The following ADGRE3 variants were observed in gnomAD, a reference collection of about 807,000 sequenced individuals.
ADGRE3 encodes EGF-like module receptor 3.
In ADGRE3, 88 loss-of-function variants were observed where a neutral mutation model predicts 80.1. The ratio of observed to expected loss-of-function variants is 1.10; its 90% CI spans 0.93 to 1.31. The LOEUF (loss-of-function observed/expected upper bound fraction) is 1.31, where lower values mean the gene tolerates loss of function less well. Among genes scored for constraint, ADGRE3 ranks in the 40% most tolerant of loss-of-function variants. The pLI is 0.00. For missense variants in ADGRE3, 715 were observed against 776.5 expected (o/e 0.92, Z 0.94); for synonymous variants, 281 against 294.8 (o/e 0.95, Z 0.48).
At chr19:14,610,019 A>T in the ADGRE3 span, 4 of 1,428,496 alleles carry the variant, frequency 2.8e-6, no homozygotes, top group Non-Finnish European at 3.9e-6. Flanking sequence ...GAGTTTCACC[A>T]CCCTAAAGAT....
intron 4 of ADGRE3, among the ~76,000 whole-genome samples, chr19:14,661,365 T>C (rs1360399802): frequency 1.3e-5 from 2 of 152,186 alleles, no homozygotes; most frequent in Admixed American, 1.3e-4. Flanking sequence ...CCTGGGGGTG[T>C]TGAGTTCCCA....
rs779308971 is a variant in ADGRE3 at position 14,638,085 on chromosome 19, A to G, written c.1484+20T>C. 6.3e-7 allele frequency: 1 copy of G among 1,574,806 alleles called. No homozygotes were observed. The highest frequency in any genetic ancestry group is 1.1e-5 in the South Asian group (1 of 90,220). ...TTTCTTAGGAAACTGTCCATGACAC[A>G]AGGTGGGATTCAAGCTCACCGATCA... On this transcript the variant is annotated intron_variant, in intron 11 of 15. Coordinates refer to ENST00000253673, the MANE Select transcript of ADGRE3 (RefSeq NM_032571.5).
At chr19:14,607,556 TATTTATTTATTTATTTA>T in the ADGRE3 span, among the ~76,000 whole-genome samples, 35 of 141,076 alleles carry the variant, frequency 2.5e-4, no homozygotes, top group Admixed American at 1.4e-3. Flanking sequence ...TTTTATTATT[TATTTATTTATTTATTTA>T]TTTATTTATT....
At chr19:14,617,399 T>TTTCTTTCTTTCTTTCG (rs1599594108), downstream of ADGRE3, among the ~76,000 whole-genome samples, 1 of 74,132 alleles carries the variant, frequency 1.3e-5, no homozygotes, top group Non-Finnish European at 3.1e-5. Flanking sequence ...TCTTTCTTTC[T>TTTCTTTCTTTCTTTCG]TTTCTTTCTC....
chr19:14,638,327 A>G lies in ADGRE3; in HGVS notation c.1262T>C (p.Ile421Thr). Reference sequence around the variant, plus strand: ...GAGATAGTGCAAAGCACCGGCGATGATGGAGCACAGCACCTGGGGGAGGAG... The same window carrying G: ...GAGATAGTGCAAAGCACCGGCGATGGTGGAGCACAGCACCTGGGGGAGGAG... ...DRTEPKVLCS[I>T]IAGALHYLYL... The change falls in exon 11 of 16, where the codon ATC (isoleucine) becomes ACC (threonine). Residue 421 changes from isoleucine (I) to threonine (T), a missense_variant. Physicochemically the swap from Ile to Thr is moderately conservative, Grantham distance 89 (BLOSUM62 -1). Coordinates refer to ENST00000253673, the MANE Select transcript of ADGRE3 (RefSeq NM_032571.5). 6.2e-7 allele frequency: 1 copy of G among 1,614,036 alleles called. No individual in the cohort carries two copies. The highest frequency in any genetic ancestry group is 8.5e-7 in the Non-Finnish European group (1 of 1,179,918).
intron 7 of ADGRE3, 96 bp from the exon 8 acceptor site, chr19:14,647,461 G>A (rs1317101059): frequency 6.9e-6 from 7 of 1,014,990 alleles, no homozygotes; most frequent in South Asian, 1.7e-5. Flanking sequence ...CGCCCAGCCA[G>A]GCTGGAGTGC....
At position 14,633,074 on chromosome 19, in the gene ADGRE3, A is replaced by T. The variant is rs1236324077; in HGVS notation, c.1552-62T>A. 262 of 1,412,504 alleles carry T rather than the reference A, an allele frequency of 1.9e-4. 1 individual carries two copies. The highest frequency in any genetic ancestry group is 6.1e-5 in the Non-Finnish European group (61 of 1,000,666). 87.5% of individuals were successfully genotyped at this position (1,412,504 alleles called of 1,614,324 possible). Reference sequence around the variant, plus strand: ...AAAGTAATGTATGGTGTCCACTTTAAATTGCACACAGGAGTCCTACCCTCT... The same window carrying T: ...AAAGTAATGTATGGTGTCCACTTTATATTGCACACAGGAGTCCTACCCTCT... On this transcript the variant is annotated intron_variant, in intron 12 of 15. Coordinates refer to ENST00000253673, the MANE Select transcript of ADGRE3 (RefSeq NM_032571.5).
chr19:14,609,993 A>T, the ADGRE3 span: 107 of 1,120,734 alleles, frequency 9.5e-5, 1 homozygote, highest in East Asian at 2.5e-3. Context: ...ATTCATCATT[A>T]CAGTATTATA....
chr19:14,617,595 A>G (rs1599594223), downstream of ADGRE3, among the ~76,000 whole-genome samples: 1 of 151,016 alleles, frequency 6.6e-6, no homozygotes, highest in East Asian at 2.0e-4. Context: ...ATGGGGTTTC[A>G]CCACATTGGA....
intron 2 of ADGRE3, among the ~76,000 whole-genome samples, chr19:14,668,143 C>T (rs373135069): frequency 7.2e-5 from 11 of 152,110 alleles, no homozygotes; most frequent in African/African-American, 2.4e-4. Context: ...CCCAGCTACT[C>T]GGGAGGCTGA....
At chr19:14,661,675 T>C (rs1002177992) in intron 4 of ADGRE3, among the ~76,000 whole-genome samples, 1 of 152,052 alleles carries the variant, frequency 6.6e-6, no homozygotes, top group African/African-American at 2.4e-5. Flanking sequence ...TTAGATTCAA[T>C]AAAAAATGAG....
At chr19:14,627,751 G>A (rs906036912) in intron 14 of ADGRE3, among the ~76,000 whole-genome samples, 6 of 152,132 alleles carry the variant, frequency 3.9e-5, no homozygotes, top group African/African-American at 1.4e-4. Flanking sequence ...CTTCTTGGAG[G>A]ACACAGACTA....
At chr19:14,644,647 G>C (rs1971350573) in intron 8 of ADGRE3, among the ~76,000 whole-genome samples, 1 of 151,990 alleles carries the variant, frequency 6.6e-6, no homozygotes, top group Non-Finnish European at 1.5e-5. Flanking sequence ...TCCTCAGGAG[G>C]GACAGTTCTC....
chr19:14,653,549 G>A (rs1380916259), intron 6 of ADGRE3, among the ~76,000 whole-genome samples: 1 of 151,920 alleles, frequency 6.6e-6, no homozygotes, highest in Non-Finnish European at 1.5e-5. Flanking sequence ...AGTCCTAGGT[G>A]CATTACATGC....
At chr19:14,612,410 A>C in the ADGRE3 span, among the ~76,000 whole-genome samples, 1 of 152,012 alleles carries the variant, frequency 6.6e-6, no homozygotes, top group Non-Finnish European at 1.5e-5. Context: ...ATCTCAGCTC[A>C]CTGCAACTTC....
chr19:14,631,618 A>G (rs1038765785), intron 13 of ADGRE3, among the ~76,000 whole-genome samples: 4 of 151,666 alleles, frequency 2.6e-5, no homozygotes, highest in African/African-American at 9.7e-5. Flanking sequence ...TATAGAATAT[A>G]TTATATGTGT....
chr19:14,649,038 A>G (rs1365546452), intron 7 of ADGRE3, among the ~76,000 whole-genome samples: 1 of 128,360 alleles, frequency 7.8e-6, no homozygotes, highest in Non-Finnish European at 1.6e-5. Flanking sequence ...CTCTCTTTCC[A>G]TATATCTCTC....
Position 14,668,835 on chromosome 19 carries a change from T to C in ADGRE3, c.43A>G (p.Ser15Gly), listed in dbSNP as rs1233322508. ...TTCTGAGTCACAGCTCCAAAGAGGCTCAGCAGAAAGCAGAGGCCTGGAATA... is the reference window on the plus strand; with the variant it reads ...TTCTGAGTCACAGCTCCAAAGAGGCCCAGCAGAAAGCAGAGGCCTGGAATA... ...LLLPGLCFLL[S>G]LFGAVTQKTK... Residue 15 changes from serine (S) to glycine (G), a missense_variant, in exon 2 of 16, where the codon AGC becomes GGC. Coordinates refer to ENST00000253673, the MANE Select transcript of ADGRE3 (RefSeq NM_032571.5). 6.2e-7 allele frequency: 1 copy of C among 1,613,982 alleles called. No individual in the cohort carries two copies. The highest frequency in any genetic ancestry group is 8.5e-7 in the Non-Finnish European group (1 of 1,180,004).
intron 9 of ADGRE3, among the ~76,000 whole-genome samples, chr19:14,643,593 C>T (rs565924584): frequency 3.2e-4 from 49 of 152,264 alleles, no homozygotes; most frequent in Admixed American, 2.6e-4. Context: ...ACTTCACATG[C>T]GTTGTCATAA....
Sources: allele counts gnomAD v4.1 joint callset (sites outside exome capture counted in the v4.1 genomes callset), GRCh38; gene constraint gnomAD v4.1.1; transcripts MANE v1.5; gene names NCBI Gene and HGNC (gene_info 2026-07-23, HGNC 2026-07-21).